Variants in TAP2 observed in about 807,000 individuals in gnomAD.
TAP2 encodes antigen peptide transporter 2.
TAP2 carries 49 observed loss-of-function variants against 74.7 expected under a neutral mutation model. The observed-to-expected ratio is 0.66, with a 90% confidence interval of 0.52 to 0.83. The LOEUF is 0.83. TAP2 is among the 40% of genes least tolerant of loss of function. TAP2 has a pLI of 0.00. For synonymous variants in TAP2, 306 were observed against 368.4 expected (o/e 0.83, Z 1.94); for missense variants, 739 against 859.0 (o/e 0.86, Z 1.75).
At chr6:32,837,709 C>T in intron 2 of TAP2, 32 bp downstream of exon 2, 2 of 1,614,166 alleles carry the variant, frequency 1.2e-6, no homozygotes, top group South Asian at 1.1e-5. Flanking sequence ...CCTTTTACCA[C>T]CTCCAACTCA....
chr6:32,823,916 A>G (rs542435640), downstream of TAP2, among the ~76,000 whole-genome samples: 1 of 152,244 alleles, frequency 6.6e-6, no homozygotes, highest in South Asian at 2.1e-4. Flanking sequence ...GATAATTCCT[A>G]TTAGTTTTAA....
chr6:32,825,182 A>G (rs1768565806), downstream of TAP2, among the ~76,000 whole-genome samples: 1 of 150,926 alleles, frequency 6.6e-6, no homozygotes, highest in African/African-American at 2.4e-5. Context: ...TGCTGCTGGA[A>G]CTATAAATTA....
At chr6:32,829,268 CA>C in intron 11 of TAP2, 131 bp downstream of exon 11, 1 of 1,474,210 alleles carries the variant, frequency 6.8e-7, no homozygotes, top group South Asian at 1.2e-5. Context: ...TTCCATTCCC[CA>C]ACCCCAAGAA....
rs1562339815 is a variant in TAP2 at position 32,837,756 on chromosome 6, C to G, written c.478G>C (p.Val160Leu). The change falls in exon 2 of 12, where the codon GTC becomes CTC. Residue 160 changes from valine (V) to leucine (L), a missense_variant. By Grantham distance (32) the Val-to-Leu change is conservative (BLOSUM62 1). Transcript: ENST00000374897. ...CCTGACTCACCCAAAACAGCAAGGA[C>G]AAGGAAGAAGAAGGCGGCAACGAGG... Reference protein sequence around the residue: ...PLLVAAFFFLVLAVLGETLIP... With the variant: ...PLLVAAFFFLLLAVLGETLIP... 1 of 1,614,152 alleles carries G rather than the reference C, an allele frequency of 6.2e-7. No individual in the cohort carries two copies. The highest frequency in any genetic ancestry group is 1.7e-5 in the Admixed American group (1 of 60,030).
At chr6:32,836,765 T>C (rs1380195801) in intron 3 of TAP2, among the ~76,000 whole-genome samples, 2 of 152,272 alleles carry the variant, frequency 1.3e-5, no homozygotes, top group Non-Finnish European at 2.9e-5. Context: ...TGGCCCATCA[T>C]TGACCTAAAC....
chr6:32,835,799 A>G lies in TAP2; in HGVS notation c.609-26T>C, dbSNP rs55869430. 75,703 of 1,612,834 alleles carry G rather than the reference A, an allele frequency of 0.047. 2,384 individuals are homozygous for G. The highest frequency in any genetic ancestry group is 0.079 in the Middle Eastern group (481 of 6,052). The stretch of plus-strand genomic sequence containing the variant: ...CTGTGGGGTAGGAGAATAAGAGGGG[A>G]GGGAGATGCAGAGAAGGAGCAAGCC... On this transcript the variant is annotated intron_variant, in intron 3 of 11. Coordinates refer to ENST00000374897, the MANE Select transcript of TAP2 (RefSeq NM_001290043.2). This position sits in a 1 kb window ranked among gnomAD's most constrained non-coding sequence, Gnocchi z 4.0.
chr6:32,822,917 CTTTTT>C (rs3041453), downstream of TAP2, among the ~76,000 whole-genome samples: 21 of 109,986 alleles, frequency 1.9e-4, no homozygotes, highest in Admixed American at 8.8e-4. Flanking sequence ...TGTGTTCATA[CTTTTT>C]TTTTTTTTTT....
Position 32,829,919 on chromosome 6 carries a change from G to C in TAP2, c.1795+11C>G. ...TACTGAAGGAGCAAGCTTACAATTTGTAGAAGATACCTGTGTATATTCCAT... is the reference window on the plus strand; with the variant it reads ...TACTGAAGGAGCAAGCTTACAATTTCTAGAAGATACCTGTGTATATTCCAT... On this transcript the variant is annotated intron_variant, in intron 10 of 11. Coordinates refer to ENST00000374897, the MANE Select transcript of TAP2 (RefSeq NM_001290043.2). 1.2e-6 allele frequency: 2 copies of C among 1,613,054 alleles called. No homozygotes were observed. The highest frequency in any genetic ancestry group is 2.2e-5 in the South Asian group (2 of 91,088).
Position 32,835,652 on chromosome 6 carries a change from T to A in TAP2, c.730A>T (p.Thr244Ser), listed in dbSNP as rs756698219. 7.4e-6 allele frequency: 12 copies of A among 1,612,820 alleles called. No homozygotes were observed. The highest frequency in any genetic ancestry group is 1.0e-5 in the Non-Finnish European group (12 of 1,179,996). ...GGACTCCAGGCCCCACCTGTCTTAG[T>A]CTCCTGGAAGAAACCGAGGTCCTGG... ...LRQDLGFFQE[T>S]KTGELNSRLS... is the part of the protein sequence containing the mutation. The change falls in exon 4 of 12, where the codon ACT (threonine) becomes TCT (serine). Residue 244 changes from threonine to serine, a missense_variant. Coordinates refer to ENST00000374897, the MANE Select transcript of TAP2 (RefSeq NM_001290043.2). This position sits in a 1 kb window ranked among gnomAD's most constrained non-coding sequence, Gnocchi z 4.0.
chr6:32,835,123 C>G lies in TAP2; in HGVS notation c.945+31G>C. ...CCTCCTCACCTGTCAGTTTTATTCT[C>G]CCTTTGGGGTTCCCTTACATGCACG... On this transcript the variant is annotated intron_variant, in intron 5 of 11. Coordinates refer to ENST00000374897, the MANE Select transcript of TAP2 (RefSeq NM_001290043.2). The surrounding 1 kb of genome is among the most constrained non-coding windows in gnomAD (Gnocchi z 4.0). The G allele has an allele frequency of 6.2e-7, 1 of 1,609,694 alleles. No homozygotes were observed. The highest frequency in any genetic ancestry group is 8.5e-7 in the Non-Finnish European group (1 of 1,178,516).
At chr6:32,837,495 A>T in intron 3 of TAP2, 42 bp downstream of exon 3, 1 of 1,558,542 alleles carries the variant, frequency 6.4e-7, no homozygotes, top group Non-Finnish European at 8.8e-7. Context: ...ACCCCTATAA[A>T]GATTTGGGGC....
chr6:32,826,725 T>C lies in TAP2; in HGVS notation c.*2181A>G, dbSNP rs1460477209. The C allele has an allele frequency of 7.1e-6, 7 of 985,348 alleles. No individual in the cohort carries two copies. Among genetic ancestry groups the C allele is most frequent in the Admixed American group, 6.1e-5 (1 of 16,272 alleles). 61.0% of individuals were successfully genotyped at this position (985,348 alleles called of 1,614,324 possible). A position where few individuals can be genotyped will look rare whatever the true frequency, so the allele number is the denominator to read the frequency against. Reference sequence around the variant, plus strand: ...TATCATGATTAGCTGCGTGATTTCATGTCAGTTTCTCTGTAAAATTAGGTT... The same window carrying C: ...TATCATGATTAGCTGCGTGATTTCACGTCAGTTTCTCTGTAAAATTAGGTT... On this transcript the variant is annotated 3_prime_UTR_variant, in exon 12 of 12. Transcript: ENST00000374897.
rs1487896585 is a variant in TAP2, at chr6:32,835,635, G to A, written c.739+8C>T. 1 of 1,613,108 alleles carries A rather than the reference G, an allele frequency of 6.2e-7. No homozygotes were observed. The highest frequency in any genetic ancestry group is 1.7e-5 in the Admixed American group (1 of 60,028). On this transcript the variant is annotated splice_region_variant and intron_variant, in intron 4 of 11. Transcript: ENST00000374897. The surrounding 1 kb of genome is among the most constrained non-coding windows in gnomAD (Gnocchi z 4.0). ...ATGGGAATCTCAGACCTGGACTCCAGGCCCCACCTGTCTTAGTCTCCTGGA... is the reference window on the plus strand; with the variant it reads ...ATGGGAATCTCAGACCTGGACTCCAAGCCCCACCTGTCTTAGTCTCCTGGA...
In TAP2 at chr6:32,835,646, T is replaced by C. The variant is rs571768938; in HGVS notation, c.736A>G (p.Thr246Ala). 3 of 1,613,000 alleles carry C rather than the reference T, an allele frequency of 1.9e-6. No homozygotes were observed. Among genetic ancestry groups the C allele is most frequent in the African/African-American group, 1.3e-5 (1 of 75,024 alleles). ...AGACCTGGACTCCAGGCCCCACCTG[T>C]CTTAGTCTCCTGGAAGAAACCGAGG... is the stretch of plus-strand genomic sequence containing the variant. ...QDLGFFQETK[T>A]GELNSRLSSD... Residue 246 changes from threonine to alanine, a missense_variant, in exon 4 of 12, where the codon ACA becomes GCA. Transcript: ENST00000374897. This position sits in a 1 kb window ranked among gnomAD's most constrained non-coding sequence, Gnocchi z 4.0.
chr6:32,830,101 G>A lies in TAP2; in HGVS notation c.1636-12C>T, dbSNP rs138450815. 12 of 1,612,858 alleles carry A rather than the reference G, an allele frequency of 7.4e-6. No individual in the cohort carries two copies. In the African/African-American group the frequency reaches 1.6e-4, roughly 21 times the overall value. On this transcript the variant is annotated splice_polypyrimidine_tract_variant and intron_variant, in intron 9 of 11. Coordinates refer to ENST00000374897, the MANE Select transcript of TAP2 (RefSeq NM_001290043.2). Reference sequence around the variant, plus strand: ...CCAACTGAAACCACCTGTGCAGCAGGGACAGGGGCAGAGGACTATGTGTAA... The same window carrying A: ...CCAACTGAAACCACCTGTGCAGCAGAGACAGGGGCAGAGGACTATGTGTAA...
At chr6:32,825,174 C>T (rs958027756), downstream of TAP2, among the ~76,000 whole-genome samples, 1 of 131,212 alleles carries the variant, frequency 7.6e-6, no homozygotes, top group Non-Finnish European at 1.6e-5. Flanking sequence ...TCATATGTTG[C>T]TGCTGGAACT....
Position 32,826,466 on chromosome 6 carries a change from A to C in TAP2, c.*2440T>G. The C allele has an allele frequency of 3.0e-6, 3 of 985,430 alleles. No individual in the cohort carries two copies. Among genetic ancestry groups the C allele is most frequent in the East Asian group, 1.1e-4 (1 of 8,814 alleles). The allele number at this position is 985,430 out of a possible 1,614,324, so 61.0% of individuals were successfully genotyped here. Reference sequence around the variant, plus strand: ...ATGGTGATGGGGGGTAGGAGTGAACAAAAAGAACTCTGGAGCAAACCAGGA... The same window carrying C: ...ATGGTGATGGGGGGTAGGAGTGAACCAAAAGAACTCTGGAGCAAACCAGGA... On this transcript the variant is annotated 3_prime_UTR_variant, in exon 12 of 12. Coordinates refer to ENST00000374897, the MANE Select transcript of TAP2 (RefSeq NM_001290043.2).
chr6:32,821,997 G>C (rs527721240), downstream of TAP2: 1 of 388,168 alleles, frequency 2.6e-6, no homozygotes, highest in East Asian at 4.8e-5. Flanking sequence ...AGAAACAAAA[G>C]AAATAGTTAG....
chr6:32,825,809 C>CTTAG lies in TAP2; in HGVS notation c.*3093_*3096dup, dbSNP rs1289151171. 1.3e-5 allele frequency: 3 copies of CTTAG among 238,228 alleles called. No individual in the cohort carries two copies. The highest frequency in any genetic ancestry group is 7.0e-5 in the African/African-American group (3 of 42,900). 14.8% of individuals were successfully genotyped at this position (238,228 alleles called of 1,614,324 possible). ...CAAAGCTGGGCAAGTCCACCTCTTCCTTAGCTATGTGACCCAGGCAAGTTA... is the reference window on the plus strand; with the variant it reads ...CAAAGCTGGGCAAGTCCACCTCTTCCTTAGTTAGCTATGTGACCCAGGCAAGTTA... On this transcript the variant is annotated 3_prime_UTR_variant, in exon 12 of 12. Coordinates refer to ENST00000374897, the MANE Select transcript of TAP2 (RefSeq NM_001290043.2).
Sources: allele counts gnomAD v4.1 joint callset (sites outside exome capture counted in the v4.1 genomes callset), GRCh38; gene constraint gnomAD v4.1.1; non-coding constraint Gnocchi (gnomAD v3.1); transcripts MANE v1.5; gene names NCBI Gene and HGNC (gene_info 2026-07-23, HGNC 2026-07-21).